The following GALNT10 variants were observed in gnomAD, a reference collection of about 807,000 sequenced individuals.
The protein encoded by GALNT10 is GalNAc transferase 10.
In GALNT10, 41 loss-of-function variants were observed where a neutral mutation model predicts 75.0. That is an observed-to-expected ratio of 0.55 (90% confidence interval 0.43 to 0.71). The LOEUF is 0.71. GALNT10 is among the 30% of genes least tolerant of loss of function. The probability of loss-of-function intolerance (pLI) is 0.00; values close to 1 mark genes in which losing one functional copy is unlikely to be tolerated. For missense variants in GALNT10, 727 were observed against 818.5 expected (o/e 0.89, Z 1.36); for synonymous variants, 302 against 313.0 (o/e 0.96, Z 0.37).
chr5:154,226,949 T>C, intron 1 of GALNT10, among the ~76,000 whole-genome samples: 1 of 145,838 alleles, frequency 6.9e-6, no homozygotes, highest in African/African-American at 2.5e-5. Context: ...ATGTACTCTT[T>C]AAAAAAAAAA....
chr5:154,238,412 A>G (rs895365083), intron 1 of GALNT10, among the ~76,000 whole-genome samples: 2 of 152,104 alleles, frequency 1.3e-5, no homozygotes, highest in African/African-American at 2.4e-5. Flanking sequence ...TTTAGTCATT[A>G]ATTAGTAATC....
chr5:154,255,249 G>A lies in GALNT10; in HGVS notation c.160-39567G>A, dbSNP rs148800106. ...TAGGAAAATGGGACCACCAGGATTGGTGCAGACTCATCAAGGTATATCCCT... is the reference window on the plus strand; with the variant it reads ...TAGGAAAATGGGACCACCAGGATTGATGCAGACTCATCAAGGTATATCCCT... On this transcript the variant is annotated intron_variant, in intron 1 of 11. Coordinates refer to ENST00000297107, the MANE Select transcript of GALNT10 (RefSeq NM_198321.4). 2.6e-5 allele frequency among the ~76,000 whole-genome samples: 4 copies of A among 152,210 alleles called. No individual in the cohort carries two copies. The East Asian group carries it at 7.7e-4, about 29-fold the overall frequency.
intron 3 of GALNT10, among the ~76,000 whole-genome samples, chr5:154,326,399 A>C (rs1198509525): frequency 6.6e-6 from 1 of 152,246 alleles, no homozygotes; most frequent in Non-Finnish European, 1.5e-5. Context: ...GCTGTTTGCT[A>C]TGTACCCACA....
At chr5:154,331,428 A>G (rs1022009313) in intron 4 of GALNT10, among the ~76,000 whole-genome samples, 1 of 152,192 alleles carries the variant, frequency 6.6e-6, no homozygotes, top group African/African-American at 2.4e-5. Flanking sequence ...GCCCTGCTAC[A>G]TACTATCTCT....
At chr5:154,355,827 G>A (rs12520708) in intron 4 of GALNT10, among the ~76,000 whole-genome samples, 15,532 of 152,198 alleles carry the variant, frequency 0.1, 1,538 homozygotes, top group African/African-American at 0.25. Context: ...TAGAGATGAG[G>A]ACATTGACGC....
At chr5:154,201,991 T>C (rs1029131407) in intron 1 of GALNT10, among the ~76,000 whole-genome samples, 7 of 151,940 alleles carry the variant, frequency 4.6e-5, no homozygotes, top group African/African-American at 1.7e-4. Flanking sequence ...TTTCTGCCTG[T>C]GCTTCCTGGC....
rs1203723682 is a variant in GALNT10, at chr5:154,416,295, T to G, written c.1653+363T>G. ...TCTCTATACAAAAATCAGCCAGACATGGTGGCTCATGCCTGTACTCCCAGC... is the reference window on the plus strand; with the variant it reads ...TCTCTATACAAAAATCAGCCAGACAGGGTGGCTCATGCCTGTACTCCCAGC... On this transcript the variant is annotated intron_variant, in intron 11 of 11. Coordinates refer to ENST00000297107, the MANE Select transcript of GALNT10 (RefSeq NM_198321.4). This position sits in a 1 kb window ranked among gnomAD's most constrained non-coding sequence, Gnocchi z 4.5. Among the ~76,000 whole-genome samples the G allele has an allele frequency of 6.6e-6, 1 of 151,734 alleles. No homozygotes were observed. Among genetic ancestry groups the G allele is most frequent in the Non-Finnish European group, 1.5e-5 (1 of 67,970 alleles).
chr5:154,194,269 T>G (rs1386998617), intron 1 of GALNT10, among the ~76,000 whole-genome samples: 4 of 152,102 alleles, frequency 2.6e-5, no homozygotes, highest in African/African-American at 9.7e-5. Flanking sequence ...AGAGCTGAAC[T>G]TTATTCTTAG....
intron 9 of GALNT10, among the ~76,000 whole-genome samples, chr5:154,411,466 C>T (rs1434806765): frequency 6.6e-6 from 1 of 152,184 alleles, no homozygotes; most frequent in Non-Finnish European, 1.5e-5. Flanking sequence ...AGACGAAAAG[C>T]AAGGGTAGGA....
chr5:154,271,859 C>T (rs1188658170), intron 1 of GALNT10, among the ~76,000 whole-genome samples: 1 of 152,204 alleles, frequency 6.6e-6, no homozygotes, highest in African/African-American at 2.4e-5. Flanking sequence ...AAAGGCTTTC[C>T]TCCCTACCTC....
At chr5:154,333,619 A>G (rs1754899680) in intron 4 of GALNT10, among the ~76,000 whole-genome samples, 1 of 152,184 alleles carries the variant, frequency 6.6e-6, no homozygotes, top group Non-Finnish European at 1.5e-5. Context: ...TCATAACAAG[A>G]TCATTCTCTA....
At chr5:154,286,765 G>A (rs1754118140) in intron 1 of GALNT10, among the ~76,000 whole-genome samples, 2 of 152,208 alleles carry the variant, frequency 1.3e-5, no homozygotes, top group African/African-American at 4.8e-5. Flanking sequence ...AGACAATGGA[G>A]TTACTGGAGT....
At chr5:154,283,170 A>G (rs1373681308) in intron 1 of GALNT10, among the ~76,000 whole-genome samples, 12 of 151,254 alleles carry the variant, frequency 7.9e-5, no homozygotes, top group Admixed American at 7.3e-4. Flanking sequence ...GAGGCTGGGC[A>G]TGATGGCTCA....
rs1017345825 is a variant in GALNT10, at chr5:154,298,391, C to T, written c.401+312C>T. On this transcript the variant is annotated intron_variant, in intron 3 of 11. Coordinates refer to ENST00000297107, the MANE Select transcript of GALNT10 (RefSeq NM_198321.4). The surrounding 1 kb of genome is among the most constrained non-coding windows in gnomAD (Gnocchi z 4.1). ...TCATGCAGTTTTTAACTTTCATTCT[C>T]TTCACTTTCTGTGTGATGTTTTTAT... 6.6e-6 allele frequency among the ~76,000 whole-genome samples: 1 copy of T among 152,188 alleles called. No individual in the cohort carries two copies. Among genetic ancestry groups the T allele is most frequent in the African/African-American group, 2.4e-5 (1 of 41,428 alleles).
At chr5:154,310,956 C>A (rs1754507865) in intron 3 of GALNT10, among the ~76,000 whole-genome samples, 1 of 152,168 alleles carries the variant, frequency 6.6e-6, no homozygotes, top group African/African-American at 2.4e-5. Flanking sequence ...ACATTGACTT[C>A]TTTTCTCTAA....
intron 4 of GALNT10, chr5:154,349,621 T>C (rs988806043): frequency 1.3e-5 from 2 of 152,044 alleles, no homozygotes; most frequent in African/African-American, 2.4e-5. Flanking sequence ...ACCAGCCTGA[T>C]TGGAAACAAA....
chr5:154,292,667 T>C lies in GALNT10; in HGVS notation c.160-2149T>C, dbSNP rs192336683. Reference sequence around the variant, plus strand: ...ATAGGGAAGTGGTCCTAGCTCAGCTTCCAGATATATTTGTTTGCTTGTGTA... The same window carrying C: ...ATAGGGAAGTGGTCCTAGCTCAGCTCCCAGATATATTTGTTTGCTTGTGTA... On this transcript the variant is annotated intron_variant, in intron 1 of 11. Coordinates refer to ENST00000297107, the MANE Select transcript of GALNT10 (RefSeq NM_198321.4). 9.8e-5 allele frequency among the ~76,000 whole-genome samples: 15 copies of C among 152,348 alleles called. No homozygotes were observed. The East Asian group carries it at 2.7e-3, about 27-fold the overall frequency.
intron 5 of GALNT10, among the ~76,000 whole-genome samples, chr5:154,377,179 G>T (rs780367537): frequency 2.3e-4 from 35 of 152,180 alleles, no homozygotes; most frequent in Admixed American, 6.5e-4. Context: ...AAGACTGGAG[G>T]CTGGGTGAAA....
intron 1 of GALNT10, among the ~76,000 whole-genome samples, chr5:154,215,850 C>G (rs1752865304): frequency 1.3e-5 from 2 of 152,154 alleles, no homozygotes; most frequent in South Asian, 4.1e-4. Context: ...GGCTTCAGCC[C>G]TGGGGCAGAA....
Sources: gnomAD v4.1 joint callset for allele counts (sites outside exome capture counted in the v4.1 genomes callset) on GRCh38, gnomAD v4.1.1 for gene constraint, Gnocchi (gnomAD v3.1) non-coding constraint, MANE v1.5 for transcripts, NCBI Gene and HGNC (gene_info 2026-07-23, HGNC 2026-07-21) for gene names.